GLB1: variants seen among roughly 807,000 people sequenced by gnomAD.
GLB1 encodes the protein galactosidase beta 1.
Under a neutral mutation model 74.0 loss-of-function variants are expected in GLB1, and 56 were observed. The ratio of observed to expected loss-of-function variants is 0.76; its 90% CI spans 0.61 to 0.94. The LOEUF (loss-of-function observed/expected upper bound fraction) is 0.94, where lower values mean the gene tolerates loss of function less well. Ranked by LOEUF, GLB1 falls within the 40% of genes least tolerant of loss-of-function variation. The pLI is 0.00. For synonymous variants in GLB1, 323 were observed against 323.6 expected, an observed-to-expected ratio of 1.00 and a Z score of 0.02; for missense variants, 787 against 845.5, an observed-to-expected ratio of 0.93 and a Z score of 0.86.
rs1208168748 is a variant in GLB1, at chr3:33,077,135, T to G, written c.76-4422A>C. ...CTTCTTCTCCCACTCCTGTTGCTGC[T>G]TGCGTGCTCATTCGGTGCAGTCTTG... On this transcript the variant is annotated intron_variant, in intron 1 of 15. Transcript: ENST00000307363. 4 of 1,433,732 alleles carry G rather than the reference T, an allele frequency of 2.8e-6. No homozygotes were observed. In the African/African-American group the frequency reaches 5.7e-5, roughly 20 times the overall value. The allele number at this position is 1,433,732 out of a possible 1,614,324, so 88.8% of individuals were successfully genotyped here.
intron 10 of GLB1, among the ~76,000 whole-genome samples, chr3:33,043,276 T>C (rs1180846600): frequency 2.6e-5 from 4 of 152,098 alleles, no homozygotes; most frequent in Non-Finnish European, 5.9e-5. Flanking sequence ...AGCTCAGGAA[T>C]GGGTATGTGT....
chr3:33,026,114 G>GGCTGCAGCTACCAA (rs145723627), intron 10 of GLB1, among the ~76,000 whole-genome samples: 42,135 of 151,620 alleles, frequency 0.28, 7,399 homozygotes, highest in Middle Eastern at 0.44. Context: ...AGCTGGGCGT[G>GGCTGCAGCTACCAA]GCTGCAGCTA....
chr3:32,995,844 CAAA>C (rs71070110), downstream of GLB1, among the ~76,000 whole-genome samples: 42,114 of 124,246 alleles, frequency 0.34, 6,260 homozygotes, highest in East Asian at 0.44. Flanking sequence ...GACCCAGCCT[CAAA>C]AAAAAAAAAA....
chr3:32,981,528 C>T, the GLB1 span, among the ~76,000 whole-genome samples: 2 of 151,964 alleles, frequency 1.3e-5, no homozygotes, highest in Non-Finnish European at 2.9e-5. Context: ...AACCCCAGCA[C>T]TTTGGGAGGC....
chr3:33,034,334 T>C, intron 10 of GLB1: 1 of 754,272 alleles, frequency 1.3e-6, no homozygotes, highest in South Asian at 1.4e-5. Context: ...TGCCATCAGC[T>C]AGGCCCCTGC....
At chr3:33,096,735 G>GT in intron 1 of GLB1, 3 of 1,288,678 alleles carry the variant, frequency 2.3e-6, no homozygotes, top group Non-Finnish European at 2.9e-6. Flanking sequence ...TCAACACCTC[G>GT]TTACAGATGG....
rs1015706951 is a variant in GLB1, at chr3:33,065,665, T to A, written c.458-108A>T. 9 of 1,359,158 alleles carry A rather than the reference T, an allele frequency of 6.6e-6. No individual in the cohort carries two copies. In the Admixed American group the frequency reaches 8.2e-5, roughly 12 times the overall value. The allele number at this position is 1,359,158 out of a possible 1,614,324, so 84.2% of individuals were successfully genotyped here. ...GCCCAACACAAATTCGTAAACTTTT[T>A]AAAAACATTCTGAGTTTTCTGGCTG... On this transcript the variant is annotated intron_variant, in intron 4 of 15. Transcript: ENST00000307363.
downstream of GLB1, among the ~76,000 whole-genome samples, chr3:32,995,551 A>G (rs1244476354): frequency 6.6e-6 from 1 of 152,120 alleles, no homozygotes; most frequent in Non-Finnish European, 1.5e-5. Context: ...AGCTGGCTCA[A>G]CCTGTGTTTA....
At chr3:32,997,387 G>C (rs759429211) in intron 15 of GLB1, 43 bp from the exon 16 acceptor site, 5 of 1,609,288 alleles carry the variant, frequency 3.1e-6, no homozygotes, top group Non-Finnish European at 3.4e-6. Flanking sequence ...CAGATGCACC[G>C]AAAGCCCTGA....
intron 15 of GLB1, among the ~76,000 whole-genome samples, chr3:33,008,949 G>A (rs989500431): frequency 4.6e-5 from 7 of 151,778 alleles, no homozygotes; most frequent in African/African-American, 9.7e-5. Context: ...GAGAAACCCC[G>A]TCTCTACTAA....
chr3:33,020,159 C>A (rs1426929566), intron 12 of GLB1, among the ~76,000 whole-genome samples: 1 of 152,182 alleles, frequency 6.6e-6, no homozygotes, highest in East Asian at 1.9e-4. Context: ...GTACCCTATA[C>A]AACGTTCATG....
the GLB1 span, among the ~76,000 whole-genome samples, chr3:32,978,726 G>A: frequency 5.9e-5 from 9 of 151,508 alleles, no homozygotes; most frequent in Non-Finnish European, 1.2e-4. Context: ...GAAAAGGCTA[G>A]CCTTGAACCC....
intron 1 of GLB1, among the ~76,000 whole-genome samples, chr3:33,079,803 G>A (rs751877258): frequency 2.0e-5 from 3 of 152,064 alleles, no homozygotes; most frequent in Non-Finnish European, 4.4e-5. Context: ...TTTGAGTCAG[G>A]GTCTTTCTTG....
chr3:32,992,424 T>TA (rs1336242217), downstream of GLB1, among the ~76,000 whole-genome samples: 6 of 152,330 alleles, frequency 3.9e-5, no homozygotes, highest in South Asian at 1.0e-3. Context: ...GATGATCAGT[T>TA]ACCTGCTTCT....
At chr3:33,026,435 C>T (rs547668707) in intron 10 of GLB1, among the ~76,000 whole-genome samples, 2 of 152,306 alleles carry the variant, frequency 1.3e-5, no homozygotes, top group African/African-American at 4.8e-5. Context: ...GGCCTGTAGG[C>T]GTCCCTTGGC....
In GLB1 at chr3:33,021,585, G is replaced by A. The variant is rs746246042; in HGVS notation, c.1214C>T (p.Thr405Ile). The A allele has an allele frequency of 1.2e-6, 2 of 1,613,918 alleles. No homozygotes were observed. Among genetic ancestry groups the A allele is most frequent in the Non-Finnish European group, 1.7e-6 (2 of 1,179,998 alleles). Residue 405 changes from threonine (T) to isoleucine (I), a missense_variant, in exon 12 of 16, where the codon ACA becomes ATA. Transcript: ENST00000307363. ...SGPIKSLYPL[T>I]FIQVKQHYGF... ...GCCTACCTGTTTCACCTGGATAAAT[G>A]TCAAGGGATAAAGGCTTTTGATGGG... is the stretch of plus-strand genomic sequence containing the variant.
At chr3:33,050,096 C>T (rs190906646) in intron 9 of GLB1, among the ~76,000 whole-genome samples, 30 of 152,144 alleles carry the variant, frequency 2.0e-4, no homozygotes, top group East Asian at 1.5e-3. Flanking sequence ...TGAAGCTTAG[C>T]GAAAAGCCAG....
chr3:33,097,094 G>C lies in GLB1; in HGVS notation c.-9C>G. On this transcript the variant is annotated 5_prime_UTR_variant, in exon 1 of 16. Transcript: ENST00000307363. ...ACCAGGAACCCCGGCATGACCACCA[G>C]CCTCCCGGCTCTGCAGTCGGCGCCC... is the stretch of plus-strand genomic sequence containing the variant. The C allele has an allele frequency of 6.2e-7, 1 of 1,612,194 alleles. No individual in the cohort carries two copies. Among genetic ancestry groups the C allele is most frequent in the Non-Finnish European group, 8.5e-7 (1 of 1,178,942 alleles).
At chr3:33,010,136 TA>T (rs1696963219) in intron 15 of GLB1, among the ~76,000 whole-genome samples, 1 of 152,214 alleles carries the variant, frequency 6.6e-6, no homozygotes, top group Non-Finnish European at 1.5e-5. Flanking sequence ...GGTTCTATGG[TA>T]ATCTATGTTT....
Sources: gnomAD v4.1 joint callset for allele counts (sites outside exome capture counted in the v4.1 genomes callset) on GRCh38, gnomAD v4.1.1 for gene constraint, MANE v1.5 for transcripts, NCBI Gene and HGNC (gene_info 2026-07-23, HGNC 2026-07-21) for gene names.